The following PKNOX2 variants were observed in gnomAD, a reference collection of about 807,000 sequenced individuals.
PKNOX2 encodes PBX/knotted 1 homeobox 2.
Under a neutral mutation model 53.1 loss-of-function variants are expected in PKNOX2, and 14 were observed. The ratio of observed to expected loss-of-function variants is 0.26; its 90% CI spans 0.17 to 0.41. The LOEUF (loss-of-function observed/expected upper bound fraction) is 0.41. Ranked by LOEUF, PKNOX2 falls within the 10% of genes least tolerant of loss-of-function variation. PKNOX2 has a pLI of 1.00. For synonymous variants in PKNOX2, 257 were observed against 242.8 expected, an observed-to-expected ratio of 1.06 and a Z score of -0.54; for missense variants, 496 against 602.8, an observed-to-expected ratio of 0.82 and a Z score of 1.85.
chr11:125,213,130 GC>G (rs912911967), intron 1 of PKNOX2, among the ~76,000 whole-genome samples: 4 of 152,160 alleles, frequency 2.6e-5, no homozygotes, highest in African/African-American at 9.6e-5. Flanking sequence ...CTAAATCCAG[GC>G]TCTAGAATTT....
intron 2 of PKNOX2, among the ~76,000 whole-genome samples, chr11:125,246,113 T>C (rs1419350532): frequency 6.6e-6 from 1 of 152,182 alleles, no homozygotes; most frequent in East Asian, 1.9e-4. Context: ...ATCTGTTTTG[T>C]GCTACTGTAA....
intron 7 of PKNOX2, among the ~76,000 whole-genome samples, chr11:125,408,748 T>C (rs1320038984): frequency 6.6e-6 from 1 of 152,140 alleles, no homozygotes; most frequent in African/African-American, 2.4e-5. Flanking sequence ...TCGCCATGGC[T>C]GTCCCCCGGG....
At chr11:125,225,157 A>G (rs1015044225) in intron 1 of PKNOX2, among the ~76,000 whole-genome samples, 3 of 152,168 alleles carry the variant, frequency 2.0e-5, no homozygotes, top group Admixed American at 6.5e-5. Flanking sequence ...GCCTGCCCCA[A>G]AGGGGAGTGA....
At chr11:125,357,520 C>A (rs1035926195) in intron 4 of PKNOX2, among the ~76,000 whole-genome samples, 10 of 152,148 alleles carry the variant, frequency 6.6e-5, no homozygotes, top group Admixed American at 6.5e-4. Flanking sequence ...CCCTAAACAG[C>A]TACAAAAATA....
chr11:125,264,202 G>A (rs917290502), intron 2 of PKNOX2, among the ~76,000 whole-genome samples: 3 of 152,182 alleles, frequency 2.0e-5, no homozygotes, highest in Non-Finnish European at 2.9e-5. Flanking sequence ...TAAGGAACCG[G>A]GACCCAGTGG....
At chr11:125,389,437 C>T (rs974394339) in intron 6 of PKNOX2, among the ~76,000 whole-genome samples, 5 of 152,282 alleles carry the variant, frequency 3.3e-5, no homozygotes, top group Non-Finnish European at 5.9e-5. Flanking sequence ...TTCCAGGGGA[C>T]GCGGGTGGCT....
intron 2 of PKNOX2, among the ~76,000 whole-genome samples, chr11:125,283,012 T>G (rs1946667342): frequency 6.6e-6 from 1 of 151,788 alleles, no homozygotes; most frequent in South Asian, 2.1e-4. Flanking sequence ...ATTAGCCAGG[T>G]GTGGTGGCAT....
rs748120349 is a variant in PKNOX2, at chr11:125,431,116, G to T, written c.1193-50G>T. 2.1e-5 allele frequency: 33 copies of T among 1,586,380 alleles called. No homozygotes were observed. The East Asian group carries it at 7.5e-4, about 36-fold the overall frequency. On this transcript the variant is annotated intron_variant, in intron 12 of 12. Coordinates refer to ENST00000298282, the MANE Select transcript of PKNOX2 (RefSeq NM_001382323.2). ...AACCCTGTCCAACACAGAGGTGCTG[G>T]CCCTGACCAGCAGCCCCTGCCTCGT...
chr11:125,334,398 C>T (rs1194302783), intron 3 of PKNOX2, among the ~76,000 whole-genome samples: 1 of 152,132 alleles, frequency 6.6e-6, no homozygotes, highest in Non-Finnish European at 1.5e-5. Flanking sequence ...AGGAAGGGAA[C>T]AGCATTTGTT....
chr11:125,173,804 G>A (rs1971836), intron 1 of PKNOX2, among the ~76,000 whole-genome samples: 39,854 of 152,072 alleles, frequency 0.26, 5,420 homozygotes, highest in Non-Finnish European at 0.3. Context: ...TCGGGGGCTC[G>A]TGCCCGTGGT....
At chr11:125,266,999 G>T (rs1945404895) in intron 2 of PKNOX2, among the ~76,000 whole-genome samples, 1 of 152,128 alleles carries the variant, frequency 6.6e-6, no homozygotes, top group Non-Finnish European at 1.5e-5. Flanking sequence ...TCTCCCTTTT[G>T]ATTTCTCTGA....
chr11:125,410,627 C>G (rs1955449491), intron 8 of PKNOX2, 152 bp from the exon 9 acceptor site: 1 of 672,384 alleles, frequency 1.5e-6, no homozygotes, highest in Non-Finnish European at 2.6e-6. Context: ...CCATCCCCCA[C>G]CCACCCATAA....
chr11:125,264,153 A>G (rs1482156300), intron 2 of PKNOX2, among the ~76,000 whole-genome samples: 4 of 152,158 alleles, frequency 2.6e-5, no homozygotes, highest in Admixed American at 6.5e-5. Flanking sequence ...GTGAAGATCC[A>G]TTATGGGAGC....
chr11:125,390,458 C>T (rs1953976993), intron 6 of PKNOX2, among the ~76,000 whole-genome samples: 1 of 152,242 alleles, frequency 6.6e-6, no homozygotes, highest in Admixed American at 6.5e-5. Context: ...ATTTAACCCA[C>T]AGTGCAACTC....
At chr11:125,247,643 G>T (rs1943662401) in intron 2 of PKNOX2, among the ~76,000 whole-genome samples, 1 of 152,176 alleles carries the variant, frequency 6.6e-6, no homozygotes, top group African/African-American at 2.4e-5. Context: ...TGGCATGCTT[G>T]AAGAGAGGTT....
intron 1 of PKNOX2, among the ~76,000 whole-genome samples, chr11:125,216,244 T>G (rs1940480020): frequency 6.6e-6 from 1 of 152,168 alleles, no homozygotes; most frequent in Non-Finnish European, 1.5e-5. Flanking sequence ...GAGCCATGAG[T>G]AGCCAGAGGA....
intron 2 of PKNOX2, among the ~76,000 whole-genome samples, chr11:125,286,537 C>A (rs563281077): frequency 6.6e-6 from 1 of 152,348 alleles, no homozygotes; most frequent in Non-Finnish European, 1.5e-5. Flanking sequence ...TGTCCACCCC[C>A]TTGGCCCTAT....
rs76867693 is a variant in PKNOX2, at chr11:125,376,421, G to C, written c.227+8436G>C. Among the ~76,000 whole-genome samples, 178 of 152,276 alleles carry C rather than the reference G, an allele frequency of 1.2e-3. 5 individuals are homozygous for C. The East Asian group carries it at 0.032, about 27-fold the overall frequency. On this transcript the variant is annotated intron_variant, in intron 5 of 12. Transcript: ENST00000298282. ...TCTCTCCATCTGGTGCTTTCAAGGG[G>C]AGGAGAAGCAGAGGGCTGGACAAGC...
chr11:125,350,117 T>G (rs755395793), intron 3 of PKNOX2, among the ~76,000 whole-genome samples: 1 of 152,202 alleles, frequency 6.6e-6, no homozygotes, highest in African/African-American at 2.4e-5. Flanking sequence ...CAGAGGCTCT[T>G]AGCAACCTCC....
Sources: gnomAD v4.1 joint callset for allele counts (sites outside exome capture counted in the v4.1 genomes callset) on GRCh38, gnomAD v4.1.1 for gene constraint, MANE v1.5 for transcripts, NCBI Gene and HGNC (gene_info 2026-07-23, HGNC 2026-07-21) for gene names.